The following GLDC variants were observed in gnomAD, a reference collection of about 807,000 sequenced individuals.
GLDC encodes the protein glycine dehydrogenase (decarboxylating), mitochondrial.
A neutral mutation model predicts 121.3 loss-of-function variants in GLDC; 104 were observed. The ratio of observed to expected loss-of-function variants is 0.86; its 90% CI spans 0.73 to 1.01. The LOEUF is 1.01. Ranked by LOEUF, GLDC falls within the 50% of genes least tolerant of loss-of-function variation. The pLI is 0.00. For missense variants in GLDC, 1,429 were observed against 1,306.6 expected (o/e 1.09, Z -1.44); for synonymous variants, 546 against 480.6 (o/e 1.14, Z -1.78).
intron 15 of GLDC, among the ~76,000 whole-genome samples, chr9:6,567,826 G>C (rs1184120505): frequency 6.6e-6 from 1 of 152,120 alleles, no homozygotes; most frequent in Non-Finnish European, 1.5e-5. Context: ...ATCTCAATTA[G>C]AGCATAAGCT....
At chr9:6,579,326 A>G (rs1818130977) in intron 15 of GLDC, among the ~76,000 whole-genome samples, 1 of 151,906 alleles carries the variant, frequency 6.6e-6, no homozygotes, top group South Asian at 2.1e-4. Flanking sequence ...ACTTCCTCAG[A>G]TGAATATTAA....
intron 2 of GLDC, among the ~76,000 whole-genome samples, chr9:6,624,577 C>A (rs1012852492): frequency 6.6e-6 from 1 of 152,106 alleles, no homozygotes; most frequent in Non-Finnish European, 1.5e-5. Context: ...TTGTTTTAAG[C>A]CACCTAGTTT....
At chr9:6,570,882 G>A (rs2129777107) in intron 15 of GLDC, among the ~76,000 whole-genome samples, 1 of 151,066 alleles carries the variant, frequency 6.6e-6, no homozygotes, top group Admixed American at 6.6e-5. Flanking sequence ...AAGTTTCTCG[G>A]GGTATGTTTT....
At position 6,595,021 on chromosome 9, in the gene GLDC, C is replaced by G. The variant is rs940157961; in HGVS notation, c.1254G>C (p.Leu418Phe). 20 of 1,588,556 alleles carry G rather than the reference C, an allele frequency of 1.3e-5. No individual in the cohort carries two copies. Among genetic ancestry groups the G allele is most frequent in the Non-Finnish European group, 1.6e-5 (18 of 1,156,696 alleles). Reference protein sequence around the residue: ...ARRVHNATLILSEGLKRAGHQ... With the variant: ...ARRVHNATLIFSEGLKRAGHQ... ...GACAGATTACCAACTCACCTTCTGACAAAATCAAAGTGGCATTATGTACCC... is the reference window on the plus strand; with the variant it reads ...GACAGATTACCAACTCACCTTCTGAGAAAATCAAAGTGGCATTATGTACCC... The change falls in exon 9 of 25, where the codon TTG becomes TTC. Residue 418 changes from leucine to phenylalanine, a missense_variant. Physicochemically the swap from Leu to Phe is conservative, Grantham distance 22 (BLOSUM62 0). Coordinates refer to ENST00000321612, the MANE Select transcript of GLDC (RefSeq NM_000170.3).
At chr9:6,639,412 A>C in intron 2 of GLDC, 1 of 922,570 alleles carries the variant, frequency 1.1e-6, no homozygotes, top group Non-Finnish European at 1.8e-6. Context: ...AAGAAGATGG[A>C]AGACAACAAC....
chr9:6,629,943 A>ATATATATATATATATATATATATG (rs1554650756), intron 2 of GLDC, among the ~76,000 whole-genome samples: 4 of 80,648 alleles, frequency 5.0e-5, no homozygotes, highest in African/African-American at 8.2e-5. Flanking sequence ...ATATATATAT[A>ATATATATATATATATATATATATG]TGTATATATA....
At chr9:6,609,212 G>T (rs1818801005) in intron 4 of GLDC, among the ~76,000 whole-genome samples, 1 of 152,188 alleles carries the variant, frequency 6.6e-6, no homozygotes, top group Non-Finnish European at 1.5e-5. Flanking sequence ...GAACCATCCT[G>T]ATTCAGTAAG....
chr9:6,537,629 A>C (rs1005795571), intron 22 of GLDC, among the ~76,000 whole-genome samples: 1 of 152,158 alleles, frequency 6.6e-6, no homozygotes. Flanking sequence ...AAAAATACAA[A>C]AATTAGCTGG....
At chr9:6,536,624 G>C (rs1817134897) in intron 22 of GLDC, among the ~76,000 whole-genome samples, 1 of 152,168 alleles carries the variant, frequency 6.6e-6, no homozygotes, top group African/African-American at 2.4e-5. Flanking sequence ...GAGGGAAGAT[G>C]CCTTGAAGAA....
intron 6 of GLDC, 117 bp from the exon 7 acceptor site, chr9:6,604,901 ACTC>A: frequency 1.1e-6 from 1 of 929,184 alleles, no homozygotes; most frequent in Non-Finnish European, 1.8e-6. Flanking sequence ...CATCCTGTGA[ACTC>A]CATTGCTCAT....
At position 6,546,502 on chromosome 9, in the gene GLDC, A is replaced by T. The variant is rs1374455507; in HGVS notation, c.2569+4301T>A. ...GGCATGAGCCACAGCACCTAGCCCC[A>T]CCTCCGACATCTTGTCCTCTGGAAG... is the stretch of plus-strand genomic sequence containing the variant. On this transcript the variant is annotated intron_variant, in intron 21 of 24. Coordinates refer to ENST00000321612, the MANE Select transcript of GLDC (RefSeq NM_000170.3). 2.7e-5 allele frequency among the ~76,000 whole-genome samples: 4 copies of T among 148,854 alleles called. No individual in the cohort carries two copies. In the Admixed American group the frequency reaches 2.7e-4, roughly 10 times the overall value.
intron 17 of GLDC, 44 bp from the exon 18 acceptor site, chr9:6,556,346 G>A (rs551376577): frequency 6.4e-7 from 1 of 1,555,766 alleles, no homozygotes; most frequent in Admixed American, 1.7e-5. Context: ...GGGAGGATAT[G>A]TTTCTTTCTT....
intron 23 of GLDC, among the ~76,000 whole-genome samples, chr9:6,535,109 T>C (rs1055042212): frequency 6.6e-6 from 1 of 152,122 alleles, no homozygotes; most frequent in Non-Finnish European, 1.5e-5. Flanking sequence ...TCTTCTGAAT[T>C]CGGTGTTTAC....
chr9:6,600,597 G>T (rs1208486937), intron 8 of GLDC, among the ~76,000 whole-genome samples: 1 of 151,724 alleles, frequency 6.6e-6, no homozygotes, highest in Non-Finnish European at 1.5e-5. Context: ...TTGAACCCAG[G>T]AGGCAGAGGT....
intron 2 of GLDC, among the ~76,000 whole-genome samples, chr9:6,625,696 A>G (rs76877110): frequency 6.6e-6 from 1 of 152,252 alleles, no homozygotes; most frequent in East Asian, 1.9e-4. Context: ...TTTTGCTTGT[A>G]GACTTTTGGA....
rs570103942 is a variant in GLDC at position 6,640,117 on chromosome 9, A to G, written c.334+4497T>C. On this transcript the variant is annotated intron_variant, in intron 2 of 24. Coordinates refer to ENST00000321612, the MANE Select transcript of GLDC (RefSeq NM_000170.3). ...CCTAAAGGCTTCCCTTTTTTCCACA[A>G]TAAAGCTTTCCTCTCCTCTGCCAAT... Among the ~76,000 whole-genome samples, 3 of 152,242 alleles carry G rather than the reference A, an allele frequency of 2.0e-5. No individual in the cohort carries two copies. The South Asian group carries it at 6.2e-4, about 32-fold the overall frequency.
intron 4 of GLDC, among the ~76,000 whole-genome samples, chr9:6,608,246 T>C (rs1252053460): frequency 6.9e-6 from 1 of 144,168 alleles, no homozygotes; most frequent in Non-Finnish European, 1.5e-5. Context: ...ACCCCATCTC[T>C]ACTAAAAATA....
At chr9:6,630,607 G>C (rs1339056662) in intron 2 of GLDC, among the ~76,000 whole-genome samples, 1 of 152,216 alleles carries the variant, frequency 6.6e-6, no homozygotes, top group Non-Finnish European at 1.5e-5. Flanking sequence ...TAAGGGGAAA[G>C]CTGGGGCCAG....
chr9:6,595,220 A>G (rs1233543845), intron 8 of GLDC, 101 bp from the exon 9 acceptor site: 1 of 825,546 alleles, frequency 1.2e-6, no homozygotes, highest in Non-Finnish European at 2.1e-6. Flanking sequence ...CAGCGACAAA[A>G]CAAAATGATC....
Sources: gnomAD v4.1 joint callset for allele counts (sites outside exome capture counted in the v4.1 genomes callset) on GRCh38, gnomAD v4.1.1 for gene constraint, MANE v1.5 for transcripts, NCBI Gene and HGNC (gene_info 2026-07-23, HGNC 2026-07-21) for gene names.